Variants in ATP2B2 observed in about 807,000 individuals in gnomAD.
The protein encoded by ATP2B2 is ATPase plasma membrane Ca2+ transporting 2, also known as plasma membrane calcium-transporting ATPase 2.
In ATP2B2, 15 loss-of-function variants were observed where a neutral mutation model predicts 120.0. The observed-to-expected ratio is 0.12, with a 90% CI of 0.08 to 0.19. The LOEUF (loss-of-function observed/expected upper bound fraction) is 0.19, where lower values mean the gene tolerates loss of function less well. ATP2B2 is among the 10% of genes least tolerant of loss of function. The probability of loss-of-function intolerance (pLI) is 1.00; values close to 1 mark genes in which losing one functional copy is unlikely to be tolerated. For synonymous variants in ATP2B2, 694 were observed against 700.3 expected (o/e 0.99, Z 0.14); for missense variants, 1,045 against 1,719.8 (o/e 0.61, Z 6.94).
intron 14 of ATP2B2, among the ~76,000 whole-genome samples, chr3:10,350,858 C>G (rs182712107): frequency 2.0e-4 from 30 of 152,342 alleles, no homozygotes; most frequent in South Asian, 4.1e-4. Context: ...ACGGTCCATC[C>G]TGAGACAGAA....
At chr3:10,403,446 C>T (rs549394240) in intron 3 of ATP2B2, among the ~76,000 whole-genome samples, 1 of 152,366 alleles carries the variant, frequency 6.6e-6, no homozygotes, top group Admixed American at 6.5e-5. Flanking sequence ...GATCTGAAGG[C>T]ATCAGACCCA....
intron 1 of ATP2B2, among the ~76,000 whole-genome samples, chr3:10,632,426 G>A (rs1201020090): frequency 6.6e-6 from 1 of 152,204 alleles, no homozygotes; most frequent in African/African-American, 2.4e-5. Context: ...GCCTTTACGT[G>A]TTACAGTTAC....
At position 10,328,961 on chromosome 3, in the gene ATP2B2, C is replaced by T. The variant is rs745609841; in HGVS notation, c.3585G>A (p.Ala1195=). 12 of 1,613,750 alleles carry T rather than the reference C, an allele frequency of 7.4e-6. No homozygotes were observed. Among genetic ancestry groups the T allele is most frequent in the South Asian group, 1.1e-5 (1 of 91,046 alleles). Residue 1195 remains alanine (A), a synonymous_variant, in exon 23 of 23, where the codon GCG becomes GCA. Transcript: ENST00000360273. ...IDDTDLEEDA[A]LKQNSSPPSS... ...ACGGCGGGCTCGAGTTCTGCTTGAG[C>T]GCGGCATCTTCTTCCAGGTCGGTGT...
chr3:10,696,632 G>A (rs1232777588), intron 1 of ATP2B2, among the ~76,000 whole-genome samples: 1 of 152,160 alleles, frequency 6.6e-6, no homozygotes, highest in Non-Finnish European at 1.5e-5. Context: ...CAGCAACAAA[G>A]GCAGCCCTGA....
intron 7 of ATP2B2, among the ~76,000 whole-genome samples, chr3:10,386,116 G>C (rs896585108): frequency 5.3e-5 from 8 of 152,236 alleles, no homozygotes; most frequent in African/African-American, 1.9e-4. Context: ...ACTGTTGCGT[G>C]AGGGCATGGG....
rs1408104149 is a variant in ATP2B2 at position 10,683,746 on chromosome 3, A to ATGTG, written c.-460+24168_-460+24169insCACA. On this transcript the variant is annotated intron_variant, in intron 1 of 21. Coordinates refer to the ATP2B2 transcript ENST00000646379. Reference sequence around the variant, plus strand: ...TGTGTGTGTATATATATGTGTATATATATGTGTGTGTGTGTATATATATAT... The same window carrying ATGTG: ...TGTGTGTGTATATATATGTGTATATATGTGTATGTGTGTGTGTGTATATATATAT... Among the ~76,000 whole-genome samples the ATGTG allele has an allele frequency of 8.8e-3, 359 of 40,736 alleles. 13 individuals are homozygous for ATGTG. Among genetic ancestry groups the ATGTG allele is most frequent in the South Asian group, 0.052 (42 of 814 alleles). 26.7% of individuals were successfully genotyped at this position (40,736 alleles called of 152,430 possible).
rs1297964063 is a variant in ATP2B2, at chr3:10,386,482, G to C, written c.938C>G (p.Pro313Arg). Reference sequence around the variant, plus strand: ...ACCCTGAGGGTGTCTTACTGTACCTGGTAGCTGAAGGCCATCCCCCTTCTT... The same window carrying C: ...ACCCTGAGGGTGTCTTACTGTACCTCGTAGCTGAAGGCCATCCCCCTTCTT... The part of the protein sequence containing the change: ...GVKKGDGLQL[P>R]AADGAAASNA... Residue 313 changes from proline (P) to arginine (R), a missense_variant and splice_region_variant, in exon 7 of 23, where the codon CCA becomes CGA. Around this residue, in one of 11 missense-constraint regions of ATP2B2, gnomAD observed 145 missense variants for 202.0 expected, o/e 0.72. Transcript: ENST00000360273. The C allele has an allele frequency of 1.9e-6, 3 of 1,614,126 alleles. No homozygotes were observed. In the Admixed American group the frequency reaches 5.0e-5, roughly 27 times the overall value.
In ATP2B2 at chr3:10,328,579, C is replaced by A. The variant is rs1008131533; in HGVS notation, c.*235G>T. 3.6e-6 allele frequency: 2 copies of A among 553,658 alleles called. No individual in the cohort carries two copies. Among genetic ancestry groups the A allele is most frequent in the South Asian group, 2.3e-5 (1 of 43,198 alleles). The allele number at this position is 553,658 out of a possible 1,614,324, so 34.3% of individuals were successfully genotyped here. On this transcript the variant is annotated 3_prime_UTR_variant, in exon 23 of 23. Transcript: ENST00000360273. Reference sequence around the variant, plus strand: ...CTTGTTTTGGGAAAACCGCTCACTCCCGTAAGCCCCCAGTGGAGATCCCGC... The same window carrying A: ...CTTGTTTTGGGAAAACCGCTCACTCACGTAAGCCCCCAGTGGAGATCCCGC...
chr3:10,328,549 A>ATC lies in ATP2B2; in HGVS notation c.*264_*265insGA. 5.5e-5 allele frequency: 24 copies of ATC among 434,214 alleles called. No individual in the cohort carries two copies. Among genetic ancestry groups the ATC allele is most frequent in the Non-Finnish European group, 8.3e-5 (20 of 242,256 alleles). 26.9% of individuals were successfully genotyped at this position (434,214 alleles called of 1,614,324 possible). ...GGTCCATGTCTGGGTGGGAGCCAGG[A>ATC]AGGGCTTGTTTTGGGAAAACCGCTC... On this transcript the variant is annotated 3_prime_UTR_variant, in exon 23 of 23. Coordinates refer to ENST00000360273, the MANE Select transcript of ATP2B2 (RefSeq NM_001001331.4).
At chr3:10,525,121 G>A (rs951965001) in intron 3 of ATP2B2, among the ~76,000 whole-genome samples, 2 of 152,208 alleles carry the variant, frequency 1.3e-5, no homozygotes, top group Non-Finnish European at 2.9e-5. Flanking sequence ...AGTTCAGGAG[G>A]AGGCAGCAGA....
At chr3:10,666,079 T>G (rs999452409) in intron 1 of ATP2B2, among the ~76,000 whole-genome samples, 1 of 152,230 alleles carries the variant, frequency 6.6e-6, no homozygotes. Context: ...CGAGTTCACC[T>G]GCTTAGAGCT....
At chr3:10,583,971 G>A (rs999046340) in intron 2 of ATP2B2, among the ~76,000 whole-genome samples, 1 of 152,240 alleles carries the variant, frequency 6.6e-6, no homozygotes, top group Non-Finnish European at 1.5e-5. Flanking sequence ...ATTCAAGGCA[G>A]TAATCGCTGG....
At chr3:10,634,392 C>T (rs2069961220) in intron 1 of ATP2B2, among the ~76,000 whole-genome samples, 1 of 152,188 alleles carries the variant, frequency 6.6e-6, no homozygotes, top group Non-Finnish European at 1.5e-5. Flanking sequence ...CCACTGGGGG[C>T]CGTGTCCAAT....
Position 10,425,309 on chromosome 3 carries a change from CA to C in ATP2B2, c.200-14495del, listed in dbSNP as rs34350429. On this transcript the variant is annotated intron_variant, in intron 2 of 22. Coordinates refer to ENST00000360273, the MANE Select transcript of ATP2B2 (RefSeq NM_001001331.4). Reference sequence around the variant, plus strand: ...TGGGTGACAGAGCGAGATGCTGTCTCAAAAAAAAAATTAATTTTAACCAAGA... The same window carrying C: ...TGGGTGACAGAGCGAGATGCTGTCTCAAAAAAAAATTAATTTTAACCAAGA... Among the ~76,000 whole-genome samples, 674 of 148,140 alleles carry C rather than the reference CA, an allele frequency of 4.5e-3. 5 individuals are homozygous for C. The highest frequency in any genetic ancestry group is 0.015 in the African/African-American group (617 of 40,438).
intron 2 of ATP2B2, among the ~76,000 whole-genome samples, chr3:10,555,319 C>G (rs1249751461): frequency 6.6e-6 from 1 of 152,204 alleles, no homozygotes; most frequent in Non-Finnish European, 1.5e-5. Flanking sequence ...TTATCTCTGC[C>G]CAGCACACAG....
At chr3:10,600,708 C>T (rs1363690988) in intron 2 of ATP2B2, among the ~76,000 whole-genome samples, 2 of 152,218 alleles carry the variant, frequency 1.3e-5, no homozygotes, top group Non-Finnish European at 2.9e-5. Context: ...CTGGCTTGCA[C>T]AGGGGCCCTC....
chr3:10,478,242 T>C lies in ATP2B2; in HGVS notation c.-320+27223A>G, dbSNP rs574567423. Among the ~76,000 whole-genome samples, 7 of 152,358 alleles carry C rather than the reference T, an allele frequency of 4.6e-5. No homozygotes were observed. The East Asian group carries it at 1.2e-3, about 25-fold the overall frequency. On this transcript the variant is annotated intron_variant, in intron 1 of 22. Coordinates refer to ENST00000360273, the MANE Select transcript of ATP2B2 (RefSeq NM_001001331.4). The stretch of plus-strand genomic sequence containing the variant: ...GGGTTGTCTTTTTGTTGTTGAGTTG[T>C]AGGAGTTCTCGACATATTCTGGATA...
chr3:10,698,520 A>T (rs2071772411), intron 1 of ATP2B2, among the ~76,000 whole-genome samples: 1 of 152,182 alleles, frequency 6.6e-6, no homozygotes, highest in Non-Finnish European at 1.5e-5. Flanking sequence ...GTTAGTACAC[A>T]ATTGTTAACA....
At chr3:10,378,026 G>T (rs2061426976) in intron 10 of ATP2B2, among the ~76,000 whole-genome samples, 1 of 152,246 alleles carries the variant, frequency 6.6e-6, no homozygotes, top group Non-Finnish European at 1.5e-5. Flanking sequence ...TGCTACCAGA[G>T]CCTTGGATTT....
Sources: gnomAD v4.1 joint callset for allele counts (sites outside exome capture counted in the v4.1 genomes callset) on GRCh38, gnomAD v4.1.1 for gene constraint, gnomAD v4.1.1 regional missense constraint, MANE v1.5 for transcripts, NCBI Gene and HGNC (gene_info 2026-07-23, HGNC 2026-07-21) for gene names.